SCN1A: variants seen among roughly 807,000 people sequenced by gnomAD.
SCN1A encodes sodium voltage-gated channel alpha subunit 1, also known as sodium channel protein type 1 subunit alpha.
A neutral mutation model predicts 193.7 loss-of-function variants in SCN1A; 13 were observed. The observed-to-expected ratio is 0.07, with a 90% CI of 0.04 to 0.11. The LOEUF is 0.11. Ranked by LOEUF, SCN1A falls within the 10% of genes least tolerant of loss-of-function variation. SCN1A has a pLI of 1.00. For synonymous variants in SCN1A, 781 were observed against 843.6 expected, an observed-to-expected ratio of 0.93 and a Z score of 1.29; for missense variants, 1,432 against 2,451.1, an observed-to-expected ratio of 0.58 and a Z score of 8.78.
intron 1 of SCN1A, among the ~76,000 whole-genome samples, chr2:166,140,082 T>C (rs1477039271): frequency 5.3e-5 from 8 of 152,170 alleles, no homozygotes; most frequent in Admixed American, 5.2e-4. Flanking sequence ...TCTTCATGAA[T>C]TTATAAATGA....
chr2:166,075,511 C>T (rs570899655), intron 3 of SCN1A, among the ~76,000 whole-genome samples: 9 of 152,076 alleles, frequency 5.9e-5, no homozygotes, highest in African/African-American at 1.7e-4. Context: ...TTGACTCGTA[C>T]CTATTACTGG....
intron 2 of SCN1A, among the ~76,000 whole-genome samples, chr2:166,103,521 C>T (rs927360471): frequency 1.4e-4 from 21 of 151,544 alleles, no homozygotes; most frequent in Admixed American, 1.4e-3. Context: ...AATAAGTTAT[C>T]TTTGAGACAC....
intron 19 of SCN1A, among the ~76,000 whole-genome samples, chr2:166,020,191 T>C (rs1244003054): frequency 1.3e-5 from 2 of 152,180 alleles, no homozygotes; most frequent in Non-Finnish European, 2.9e-5. Context: ...ATTACAGGCG[T>C]GATCCACCAC....
intron 1 of SCN1A, among the ~76,000 whole-genome samples, chr2:166,141,842 A>G (rs1418916663): frequency 6.6e-6 from 1 of 152,004 alleles, no homozygotes; most frequent in African/African-American, 2.4e-5. Flanking sequence ...TGGATCTGTC[A>G]GGTGGAAGGG....
chr2:166,032,403 T>C lies in SCN1A; in HGVS notation c.3429+3645A>G, dbSNP rs1245416566. 2.0e-5 allele frequency among the ~76,000 whole-genome samples: 3 copies of C among 152,120 alleles called. No homozygotes were observed. The East Asian group carries it at 5.8e-4, about 29-fold the overall frequency. On this transcript the variant is annotated intron_variant, in intron 19 of 28. Coordinates refer to ENST00000674923, the MANE Select transcript of SCN1A (RefSeq NM_001165963.4). ...AATATACTACAGGCAGCATTCCTAA[T>C]GTAGAACAAAGACTCTTCATCTATT...
chr2:166,010,045 GTTGAAAAAAAATCCTTAAATGTCATATAA>G (rs1263214165), intron 22 of SCN1A, among the ~76,000 whole-genome samples: 3 of 149,526 alleles, frequency 2.0e-5, no homozygotes, highest in Non-Finnish European at 4.5e-5. Context: ...TTAAAAGCTA[GTTGAAAAAAAATCCTTAAATGTCATATAA>G]TTTATCAACT....
chr2:166,024,903 C>T (rs1413087788), intron 19 of SCN1A, among the ~76,000 whole-genome samples: 1 of 152,226 alleles, frequency 6.6e-6, no homozygotes, highest in East Asian at 1.9e-4. Flanking sequence ...ATTCACCCAC[C>T]TTGGCCTCCC....
chr2:166,047,807 G>A (rs1185384669), intron 10 of SCN1A, 39 bp from the exon 11 acceptor site: 1 of 1,612,480 alleles, frequency 6.2e-7, no homozygotes, highest in East Asian at 2.2e-5. Context: ...AAGTCGTTCT[G>A]CTGCCTTTTT....
At chr2:166,114,372 G>A (rs1203406912) in intron 2 of SCN1A, among the ~76,000 whole-genome samples, 1 of 152,132 alleles carries the variant, frequency 6.6e-6, no homozygotes, top group Non-Finnish European at 1.5e-5. Flanking sequence ...TGAAAGTAGT[G>A]AGCCAAGCTC....
At chr2:166,130,640 G>C (rs1249781565), upstream of SCN1A, among the ~76,000 whole-genome samples, 1 of 152,050 alleles carries the variant, frequency 6.6e-6, no homozygotes, top group African/African-American at 2.4e-5. Flanking sequence ...ATGAAACATG[G>C]TCATTTGACA....
chr2:165,996,132 A>C lies in SCN1A; in HGVS notation c.4477-15T>G. On this transcript the variant is annotated splice_polypyrimidine_tract_variant and intron_variant, in intron 26 of 28. Transcript: ENST00000674923. ...TGACCTCCAAAGTATAGAAAAGAAA[A>C]ATCAAACTGGTTAAAACTGTGTCCT... 1 of 1,493,134 alleles carries C rather than the reference A, an allele frequency of 6.7e-7. No individual in the cohort carries two copies. Among genetic ancestry groups the C allele is most frequent in the Non-Finnish European group, 9.3e-7 (1 of 1,072,392 alleles). 92.5% of individuals were successfully genotyped at this position (1,493,134 alleles called of 1,614,324 possible). A position where few individuals can be genotyped will look rare whatever the true frequency, so the allele number is the denominator to read the frequency against.
chr2:166,120,180 C>G (rs1218937734), intron 2 of SCN1A, among the ~76,000 whole-genome samples: 1 of 149,684 alleles, frequency 6.7e-6, no homozygotes, highest in Non-Finnish European at 1.5e-5. Flanking sequence ...GTTTTATGCA[C>G]TTTATGTTCC....
chr2:165,992,153 C>G lies in SCN1A; in HGVS notation c.5122G>C (p.Glu1708Gln). ...CAGATCATGCTGTTGCCAAAGGTCTCAAAGTTGAACATGTCATCGATCCCA... is the reference window on the plus strand; with the variant it reads ...CAGATCATGCTGTTGCCAAAGGTCTGAAAGTTGAACATGTCATCGATCCCA... ...EVGIDDMFNF[E>Q]TFGNSMICLF... is the part of the protein sequence containing the mutation. The change falls in exon 29 of 29, where the codon GAG (glutamate) becomes CAG (glutamine). Residue 1708 changes from glutamate to glutamine, a missense_variant. Coordinates refer to ENST00000674923, the MANE Select transcript of SCN1A (RefSeq NM_001165963.4). The surrounding 1 kb of genome is among the most constrained non-coding windows in gnomAD (Gnocchi z 6.5). 1 of 1,613,878 alleles carries G rather than the reference C, an allele frequency of 6.2e-7. No individual in the cohort carries two copies. Among genetic ancestry groups the G allele is most frequent in the Non-Finnish European group, 8.5e-7 (1 of 1,179,926 alleles).
chr2:166,096,591 G>A (rs923480343), intron 2 of SCN1A, among the ~76,000 whole-genome samples: 1 of 152,104 alleles, frequency 6.6e-6, no homozygotes, highest in African/African-American at 2.4e-5. Flanking sequence ...GAGAGATCAT[G>A]TTTTTTATAA....
chr2:165,987,636 T>C lies in SCN1A; in HGVS notation c.*3609A>G, dbSNP rs560374398. On this transcript the variant is annotated 3_prime_UTR_variant, in exon 29 of 29. Transcript: ENST00000674923. The stretch of plus-strand genomic sequence containing the variant: ...CTTTTACTATCATTTATTTTGATGC[T>C]CAACTTGCCCCAGATTTGGCCAGTG... 6.6e-6 allele frequency: 1 copy of C among 152,328 alleles called. No individual in the cohort carries two copies. The highest frequency in any genetic ancestry group is 1.5e-5 in the Non-Finnish European group (1 of 68,012). The allele number at this position is 152,328 out of a possible 1,614,324, so 9.4% of individuals were successfully genotyped here.
intron 19 of SCN1A, among the ~76,000 whole-genome samples, chr2:166,021,666 G>A (rs1391635057): frequency 6.6e-6 from 1 of 152,134 alleles, no homozygotes; most frequent in Non-Finnish European, 1.5e-5. Context: ...AATGCTATAT[G>A]CTTAGTCTTT....
intron 21 of SCN1A, among the ~76,000 whole-genome samples, chr2:166,013,401 T>C (rs1368532821): frequency 1.3e-5 from 2 of 151,464 alleles, no homozygotes; most frequent in African/African-American, 4.8e-5. Flanking sequence ...ACTCAGAGAA[T>C]ATATATTCCC....
At chr2:166,014,583 T>G (rs1281417385) in intron 20 of SCN1A, among the ~76,000 whole-genome samples, 1 of 110,030 alleles carries the variant, frequency 9.1e-6, no homozygotes. Context: ...CCAAAAAAAA[T>G]CTGGTTTTCA....
At chr2:166,010,064 A>G (rs1411124980) in intron 22 of SCN1A, among the ~76,000 whole-genome samples, 3 of 150,984 alleles carry the variant, frequency 2.0e-5, no homozygotes, top group Non-Finnish European at 4.5e-5. Context: ...AAATCCTTAA[A>G]TGTCATATAA....
Sources: gnomAD v4.1 joint callset for allele counts (sites outside exome capture counted in the v4.1 genomes callset) on GRCh38, gnomAD v4.1.1 for gene constraint, Gnocchi (gnomAD v3.1) non-coding constraint, MANE v1.5 for transcripts, NCBI Gene and HGNC (gene_info 2026-07-23, HGNC 2026-07-21) for gene names.